PTK7: variants seen among roughly 807,000 people sequenced by gnomAD.
PTK7 encodes protein tyrosine kinase 7 (inactive), also known as inactive tyrosine-protein kinase 7.
PTK7 carries 39 observed loss-of-function variants against 116.6 expected under a neutral mutation model. The ratio of observed to expected loss-of-function variants is 0.33; its 90% CI spans 0.26 to 0.44. PTK7 has a LOEUF of 0.44. Ranked by LOEUF, PTK7 falls within the 20% of genes least tolerant of loss-of-function variation. The pLI, the probability that PTK7 is intolerant of heterozygous loss-of-function variation, is 1.00. For synonymous variants in PTK7, 546 were observed against 563.6 expected, an observed-to-expected ratio of 0.97 and a Z score of 0.44; for missense variants, 1,169 against 1,425.6, an observed-to-expected ratio of 0.82 and a Z score of 2.90.
chr6:43,110,346 T>C (rs1768127683), intron 1 of PTK7, among the ~76,000 whole-genome samples: 1 of 151,910 alleles, frequency 6.6e-6, no homozygotes, highest in Non-Finnish European at 1.5e-5. Context: ...ACTCTTCATA[T>C]TGTCTTGACC....
At chr6:43,120,315 C>T (rs1351718303) in intron 1 of PTK7, among the ~76,000 whole-genome samples, 4 of 152,202 alleles carry the variant, frequency 2.6e-5, no homozygotes, top group Admixed American at 6.5e-5. Flanking sequence ...GTCTGCCCTT[C>T]CCTCCAGCTT....
At chr6:43,091,693 G>T (rs1487878400) in intron 1 of PTK7, among the ~76,000 whole-genome samples, 2 of 152,074 alleles carry the variant, frequency 1.3e-5, no homozygotes, top group African/African-American at 4.8e-5. Context: ...AATATTAAAT[G>T]GAAAATTACA....
At chr6:43,122,223 GGT>G (rs1256727058) in intron 1 of PTK7, among the ~76,000 whole-genome samples, 1 of 152,208 alleles carries the variant, frequency 6.6e-6, no homozygotes, top group African/African-American at 2.4e-5. Flanking sequence ...AGATCTTTAA[GGT>G]ATGAGGTCTG....
At chr6:43,156,439 C>CA (rs1176541505) in intron 17 of PTK7, among the ~76,000 whole-genome samples, 3 of 151,498 alleles carry the variant, frequency 2.0e-5, no homozygotes, top group African/African-American at 7.3e-5. Flanking sequence ...CCCGTCTCTA[C>CA]AAAAAAATAC....
At chr6:43,118,714 T>G (rs1768756509) in intron 1 of PTK7, among the ~76,000 whole-genome samples, 1 of 143,998 alleles carries the variant, frequency 6.9e-6, no homozygotes, top group African/African-American at 2.6e-5. Flanking sequence ...TGTCTGTATA[T>G]ATACGTATAT....
chr6:43,092,156 C>T (rs112306989), intron 1 of PTK7, among the ~76,000 whole-genome samples: 121 of 151,608 alleles, frequency 8.0e-4, no homozygotes, highest in Middle Eastern at 3.4e-3. Flanking sequence ...CCTCTGTGCC[C>T]GGCCTACTGT....
intron 1 of PTK7, among the ~76,000 whole-genome samples, chr6:43,096,902 C>T (rs551775661): frequency 1.9e-5 from 2 of 105,990 alleles, no homozygotes; most frequent in East Asian, 6.0e-4. Flanking sequence ...GGCAACATGA[C>T]CAGTTTGCTG....
intron 1 of PTK7, among the ~76,000 whole-genome samples, chr6:43,110,473 C>T (rs1047899381): frequency 5.3e-5 from 8 of 151,624 alleles, no homozygotes; most frequent in South Asian, 2.1e-4. Flanking sequence ...AGTACAGTGG[C>T]GCAATCTTGG....
At chr6:43,149,164 G>A (rs1770922369) in intron 17 of PTK7, among the ~76,000 whole-genome samples, 1 of 151,826 alleles carries the variant, frequency 6.6e-6, no homozygotes, top group Non-Finnish European at 1.5e-5. Context: ...TTGAGGCCAG[G>A]AGTTTGAGAC....
In PTK7 at chr6:43,129,442, T is replaced by C. The variant is rs924336957; in HGVS notation, c.367+178T>C. The C allele has an allele frequency of 1.0e-6, 1 of 1,000,402 alleles. No homozygotes were observed. Among genetic ancestry groups the C allele is most frequent in the African/African-American group, 1.6e-5 (1 of 60,924 alleles). The allele number at this position is 1,000,402 out of a possible 1,614,324, so 62.0% of individuals were successfully genotyped here. On this transcript the variant is annotated intron_variant, in intron 2 of 19. Coordinates refer to ENST00000230419, the MANE Select transcript of PTK7 (RefSeq NM_002821.5). This position sits in a 1 kb window ranked among gnomAD's most constrained non-coding sequence, Gnocchi z 4.5. Reference sequence around the variant, plus strand: ...AGAGGAAATTAAAAGTTATATTTTTTCCAAAATTTTTTCCTTCAAGTCTGG... The same window carrying C: ...AGAGGAAATTAAAAGTTATATTTTTCCCAAAATTTTTTCCTTCAAGTCTGG...
intron 4 of PTK7, 31 bp downstream of exon 4, chr6:43,130,451 G>C (rs1355479403): frequency 6.2e-7 from 1 of 1,607,170 alleles, no homozygotes; most frequent in Admixed American, 1.7e-5. Flanking sequence ...GAAGGGATGA[G>C]GTGAGCACAG....
Position 43,143,674 on chromosome 6 carries a change from C to T in PTK7, c.2251+54C>T. 1.3e-6 allele frequency: 2 copies of T among 1,561,448 alleles called. No individual in the cohort carries two copies. Among genetic ancestry groups the T allele is most frequent in the Non-Finnish European group, 1.7e-6 (2 of 1,154,396 alleles). ...CCCGTGTGCGGGAGCTGAGCGCCCT[C>T]CCGCGGCCACGGAGGGGAGAGCGCC... On this transcript the variant is annotated intron_variant, in intron 14 of 19. Transcript: ENST00000230419. This position sits in a 1 kb window ranked among gnomAD's most constrained non-coding sequence, Gnocchi z 4.2.
At chr6:43,142,593 C>T (rs145176236) in intron 13 of PTK7, 1 of 478,786 alleles carries the variant, frequency 2.1e-6, no homozygotes, top group East Asian at 4.4e-5. Context: ...ACACATATCT[C>T]TGGGTGGCTG....
At chr6:43,092,972 A>T (rs902986697) in intron 1 of PTK7, among the ~76,000 whole-genome samples, 2 of 152,122 alleles carry the variant, frequency 1.3e-5, no homozygotes, top group African/African-American at 4.8e-5. Flanking sequence ...TTTTCCTTTT[A>T]GTCTGGCATG....
intron 1 of PTK7, among the ~76,000 whole-genome samples, chr6:43,101,672 G>C (rs1767593081): frequency 6.6e-6 from 1 of 152,204 alleles, no homozygotes; most frequent in South Asian, 2.1e-4. Flanking sequence ...ACAGAGCCAA[G>C]GAACAGATGG....
intron 1 of PTK7, among the ~76,000 whole-genome samples, chr6:43,088,319 A>G (rs145999257): frequency 9.9e-5 from 15 of 152,260 alleles, no homozygotes; most frequent in Middle Eastern, 3.4e-3. Context: ...AAACAAAGGT[A>G]GAAAGCTGAG....
chr6:43,076,526 G>C lies in PTK7; in HGVS notation c.38G>C (p.Arg13Pro). The C allele has an allele frequency of 1.3e-6, 2 of 1,576,198 alleles. No individual in the cohort carries two copies. Among genetic ancestry groups the C allele is most frequent in the Non-Finnish European group, 1.7e-6 (2 of 1,165,374 alleles). The change falls in exon 1 of 20, where the codon CGG becomes CCG. Residue 13 changes from arginine to proline, a missense_variant. Arg to Pro is a moderately radical substitution (Grantham distance 103). Coordinates refer to ENST00000230419, the MANE Select transcript of PTK7 (RefSeq NM_002821.5). This position sits in a 1 kb window ranked among gnomAD's most constrained non-coding sequence, Gnocchi z 5.7. Reference sequence around the variant, plus strand: ...CGGGGATCCCCGGCCAGACCCCGCCGGTTGCCTCTGCTCAGCGTCCTGCTG... The same window carrying C: ...CGGGGATCCCCGGCCAGACCCCGCCCGTTGCCTCTGCTCAGCGTCCTGCTG... ...AARGSPARPR[R>P]LPLLSVLLLP...
intron 17 of PTK7, 31 bp downstream of exon 17, chr6:43,146,729 AG>A (rs1276091027): frequency 6.3e-7 from 1 of 1,597,350 alleles, no homozygotes; most frequent in East Asian, 2.2e-5. Context: ...AGGGAGGGAG[AG>A]GGTGCCCAGG....
intron 1 of PTK7, among the ~76,000 whole-genome samples, chr6:43,087,439 G>A (rs1249567509): frequency 6.6e-6 from 1 of 152,154 alleles, no homozygotes; most frequent in Non-Finnish European, 1.5e-5. Flanking sequence ...GGTAAAGTGT[G>A]TGGGCATTCC....
Sources: allele counts gnomAD v4.1 joint callset (sites outside exome capture counted in the v4.1 genomes callset), GRCh38; gene constraint gnomAD v4.1.1; non-coding constraint Gnocchi (gnomAD v3.1); transcripts MANE v1.5; gene names NCBI Gene and HGNC (gene_info 2026-07-23, HGNC 2026-07-21).